Variants in CBR4 observed in about 807,000 individuals in gnomAD.
CBR4 encodes 3-oxoacyl-[acyl-carrier-protein] reductase.
Under a neutral mutation model 21.0 loss-of-function variants are expected in CBR4, and 22 were observed. That is an observed-to-expected ratio of 1.05 (90% CI 0.75 to 1.50). The LOEUF is 1.50. CBR4 is among the 40% of genes most tolerant of loss of function. The probability of loss-of-function intolerance (pLI) is 0.00; values close to 1 mark genes in which losing one functional copy is unlikely to be tolerated. For missense variants in CBR4, 302 were observed against 286.3 expected, an observed-to-expected ratio of 1.05 and a Z score of -0.40; for synonymous variants, 100 against 104.4, an observed-to-expected ratio of 0.96 and a Z score of 0.26.
intron 2 of CBR4, 98 bp from the exon 3 acceptor site, chr4:169,006,989 C>T: frequency 1.1e-6 from 1 of 919,240 alleles, no homozygotes; most frequent in Non-Finnish European, 1.7e-6. Context: ...GCAAGAAGTG[C>T]TTCCTATCTG....
At position 168,934,280 on chromosome 4, in the gene CBR4, AAC is replaced by A. The variant is rs747382154; in HGVS notation, n.170-39517_170-39516del. On this transcript the variant is annotated intron_variant and non_coding_transcript_variant, in intron 2 of 3. Coordinates refer to the CBR4 transcript ENST00000509108. ...TAAAAGAAACTAGAAAAGCAAAAAA[AAC>A]AAAAAAAAAAAAAAAAAAAAAAGCA... Among the ~76,000 whole-genome samples, 21 of 30,896 alleles carry A rather than the reference AAC, an allele frequency of 6.8e-4. 1 individual carries two copies. Among genetic ancestry groups the A allele is most frequent in the South Asian group, 2.2e-3 (1 of 462 alleles). 20.3% of individuals were successfully genotyped at this position (30,896 alleles called of 152,430 possible).
chr4:168,989,177 TAAG>T lies in CBR4; in HGVS notation c.*970_*972del. On this transcript the variant is annotated 3_prime_UTR_variant, in exon 5 of 5. Transcript: ENST00000306193. Reference sequence around the variant, plus strand: ...TTTATTACTTTCTAGAATTTTGGGATAAGAATCATAATCACTAATGCAAAATAC... The same window carrying T: ...TTTATTACTTTCTAGAATTTTGGGATAATCATAATCACTAATGCAAAATAC... The T allele has an allele frequency of 6.2e-6, 6 of 967,530 alleles. No homozygotes were observed. Among genetic ancestry groups the T allele is most frequent in the Non-Finnish European group, 7.4e-6 (6 of 813,566 alleles). 59.9% of individuals were successfully genotyped at this position (967,530 alleles called of 1,614,324 possible).
intron 2 of CBR4, 40 bp from the exon 3 acceptor site, chr4:169,006,931 G>A (rs1349144121): frequency 6.5e-7 from 1 of 1,536,332 alleles, no homozygotes; most frequent in Non-Finnish European, 9.0e-7. Flanking sequence ...ATAATAACAA[G>A]ATAAAAACCA....
intron 2 of CBR4, among the ~76,000 whole-genome samples, chr4:168,915,665 C>T (rs540934848): frequency 1.3e-5 from 2 of 152,120 alleles, no homozygotes; most frequent in Admixed American, 6.5e-5. Flanking sequence ...TCCATTTCCC[C>T]TTTTATGATT....
chr4:168,993,089 T>C (rs959870804), intron 4 of CBR4, among the ~76,000 whole-genome samples: 1 of 152,134 alleles, frequency 6.6e-6, no homozygotes, highest in Non-Finnish European at 1.5e-5. Context: ...CAACAAACTA[T>C]AAATGAAACT....
Position 168,934,288 on chromosome 4 carries a change from A to C in CBR4, n.170-39523T>G, listed in dbSNP as rs796956847. Among the ~76,000 whole-genome samples the C allele has an allele frequency of 1.3e-5, 2 of 148,180 alleles. 1 individual carries two copies. The highest frequency in any genetic ancestry group is 3.0e-5 in the Non-Finnish European group (2 of 66,906). On this transcript the variant is annotated intron_variant and non_coding_transcript_variant, in intron 2 of 3. Transcript: ENST00000509108. ...ACTAGAAAAGCAAAAAAAACAAAAAAAAAAAAAAAAAAAAAAGCAAGCCAA... is the reference window on the plus strand; with the variant it reads ...ACTAGAAAAGCAAAAAAAACAAAAACAAAAAAAAAAAAAAAAGCAAGCCAA...
chr4:169,003,812 A>C (rs186297180), intron 3 of CBR4, among the ~76,000 whole-genome samples: 14 of 152,300 alleles, frequency 9.2e-5, no homozygotes, highest in Admixed American at 7.2e-4. Context: ...CATGAATGAA[A>C]TTGGAAATCA....
At chr4:168,952,107 T>A (rs1185279236) in intron 2 of CBR4, among the ~76,000 whole-genome samples, 1 of 152,170 alleles carries the variant, frequency 6.6e-6, no homozygotes, top group African/African-American at 2.4e-5. Context: ...GCTTTATGCA[T>A]ATTTTCTTAT....
intron 2 of CBR4, among the ~76,000 whole-genome samples, chr4:168,953,689 G>A (rs1763609676): frequency 6.6e-6 from 1 of 151,766 alleles, no homozygotes; most frequent in Non-Finnish European, 1.5e-5. Context: ...CTCCCAAAGT[G>A]CTTGGATTAT....
intron 2 of CBR4, among the ~76,000 whole-genome samples, chr4:168,931,283 C>T (rs1762962422): frequency 6.6e-6 from 1 of 152,180 alleles, no homozygotes; most frequent in South Asian, 2.1e-4. Flanking sequence ...AGCCCAATGC[C>T]CCCTACCTCC....
chr4:168,961,976 AGGAGAGGAGAGGAG>A lies in CBR4; in HGVS notation n.169+40081_169+40094del, dbSNP rs1303870432. Reference sequence around the variant, plus strand: ...AGGAGAGGAGAGGAGAGGAGAGGAGAGGAGAGGAGAGGAGAGGAAAGGAAAGGAGAGGAGGAAGG... The same window carrying A: ...AGGAGAGGAGAGGAGAGGAGAGGAGAAGGAAAGGAAAGGAGAGGAGGAAGG... On this transcript the variant is annotated intron_variant and non_coding_transcript_variant, in intron 2 of 3. Coordinates refer to the CBR4 transcript ENST00000509108. 8.8e-4 allele frequency among the ~76,000 whole-genome samples: 129 copies of A among 146,746 alleles called. 3 individuals are homozygous for A. Among genetic ancestry groups the A allele is most frequent in the African/African-American group, 3.1e-3 (125 of 39,728 alleles).
At chr4:168,995,191 T>C (rs1765133017) in intron 4 of CBR4, among the ~76,000 whole-genome samples, 4 of 152,236 alleles carry the variant, frequency 2.6e-5, no homozygotes. Context: ...CTTACATTGG[T>C]AGGTACATAG....
At chr4:168,918,691 CA>C (rs201364299) in intron 2 of CBR4, among the ~76,000 whole-genome samples, 4 of 149,836 alleles carry the variant, frequency 2.7e-5, no homozygotes, top group African/African-American at 7.3e-5. Context: ...GTTCTTACTA[CA>C]AAAAAAAATG....
At chr4:169,004,685 T>C (rs1730751901) in intron 3 of CBR4, among the ~76,000 whole-genome samples, 1 of 152,244 alleles carries the variant, frequency 6.6e-6, no homozygotes, top group Admixed American at 6.5e-5. Flanking sequence ...ATTCGCTTTA[T>C]TCCGGTGGAG....
At chr4:168,972,157 C>A (rs1359256713) in intron 2 of CBR4, among the ~76,000 whole-genome samples, 1 of 151,802 alleles carries the variant, frequency 6.6e-6, no homozygotes, top group Non-Finnish European at 1.5e-5. Flanking sequence ...ATATTTATAC[C>A]AGTATCATGC....
chr4:168,919,312 T>TCAGGAATCCGAGACCAGCCTGGCCAA (rs1760921188), intron 2 of CBR4, among the ~76,000 whole-genome samples: 1 of 151,944 alleles, frequency 6.6e-6, no homozygotes, highest in Admixed American at 6.6e-5. Context: ...TCACCTGAGG[T>TCAGGAATCCGAGACCAGCCTGGCCAA]CAGGAATCCG....
intron 2 of CBR4, among the ~76,000 whole-genome samples, chr4:168,948,905 G>A (rs1208884449): frequency 6.6e-6 from 1 of 152,176 alleles, no homozygotes; most frequent in East Asian, 1.9e-4. Context: ...TGTGAAGAAT[G>A]ATGGTGGTAT....
In CBR4 at chr4:168,898,659, T is replaced by C; in HGVS notation, n.170-3894A>G. On this transcript the variant is annotated intron_variant and non_coding_transcript_variant, in intron 2 of 3. Transcript: ENST00000509108. ...ATGAAGCTGAAACATTACAAGATCT[T>C]TGAGGGAATGCCAGTAACTTTCACA... The C allele has an allele frequency of 6.2e-7, 1 of 1,614,108 alleles. No homozygotes were observed. Among genetic ancestry groups the C allele is most frequent in the South Asian group, 1.1e-5 (1 of 91,074 alleles).
chr4:168,900,574 C>T (rs966958716), intron 2 of CBR4, among the ~76,000 whole-genome samples: 1 of 152,184 alleles, frequency 6.6e-6, no homozygotes, highest in Non-Finnish European at 1.5e-5. Flanking sequence ...TTTCCTATAG[C>T]TCCATGGCAT....
Sources: gnomAD v4.1 joint callset for allele counts (sites outside exome capture counted in the v4.1 genomes callset) on GRCh38, gnomAD v4.1.1 for gene constraint, MANE v1.5 for transcripts, NCBI Gene and HGNC (gene_info 2026-07-23, HGNC 2026-07-21) for gene names.